ZSWIM7: variants seen among roughly 807,000 people sequenced by gnomAD.
The protein encoded by ZSWIM7 is zinc finger SWIM domain-containing protein 7.
A neutral mutation model predicts 21.1 loss-of-function variants in ZSWIM7; 22 were observed. That is an observed-to-expected ratio of 1.04 (90% CI 0.74 to 1.49). The LOEUF (loss-of-function observed/expected upper bound fraction) is 1.49. Among genes scored for constraint, ZSWIM7 ranks in the 40% most tolerant of loss-of-function variants. The pLI is 0.00. For synonymous variants in ZSWIM7, 67 were observed against 66.5 expected (o/e 1.01, Z -0.04); for missense variants, 193 against 168.0 (o/e 1.15, Z -0.82).
intron 3 of ZSWIM7, chr17:15,987,011 CTTGA>C (rs147958085): frequency 0.04 from 11,637 of 291,984 alleles, 258 homozygotes; most frequent in African/African-American, 0.057. Context: ...TGTTAATTAG[CTTGA>C]TTTAGTTATT....
At chr17:15,988,094 A>G (rs1970437818) in intron 2 of ZSWIM7, among the ~76,000 whole-genome samples, 1 of 152,196 alleles carries the variant, frequency 6.6e-6, no homozygotes, top group Non-Finnish European at 1.5e-5. Flanking sequence ...GTATGCACAC[A>G]TACATAACAA....
In ZSWIM7 at chr17:15,978,005, A is replaced by G. The variant is rs1211151030; in HGVS notation, c.*42T>C. 6.7e-7 allele frequency: 1 copy of G among 1,485,888 alleles called. No homozygotes were observed. Among genetic ancestry groups the G allele is most frequent in the African/African-American group, 1.4e-5 (1 of 72,362 alleles). 92.0% of individuals were successfully genotyped at this position (1,485,888 alleles called of 1,614,324 possible). The stretch of plus-strand genomic sequence containing the variant: ...CATGACGCTTTCAATGCATTTCTTG[A>G]CAGGATTCTATTTTGAAAGAATGAT... On this transcript the variant is annotated 3_prime_UTR_variant, in exon 5 of 5. Coordinates refer to ENST00000399277, the MANE Select transcript of ZSWIM7 (RefSeq NM_001042697.2).
chr17:15,994,042 G>A (rs897847635), intron 1 of ZSWIM7, among the ~76,000 whole-genome samples: 2 of 152,108 alleles, frequency 1.3e-5, no homozygotes, highest in Non-Finnish European at 1.5e-5. Flanking sequence ...TCCGCCTCCC[G>A]GGTTTAAACC....
intron 3 of ZSWIM7, among the ~76,000 whole-genome samples, chr17:15,982,828 T>C (rs1970370702): frequency 6.6e-6 from 1 of 152,034 alleles, no homozygotes. Flanking sequence ...TTTTAAAATT[T>C]TTTTTGTAGA....
chr17:15,992,052 G>C (rs1179240357), intron 2 of ZSWIM7, among the ~76,000 whole-genome samples: 1 of 151,488 alleles, frequency 6.6e-6, no homozygotes, highest in Non-Finnish European at 1.5e-5. Context: ...TCAGCCCCCC[G>C]AATAGCTGGG....
At chr17:15,993,919 C>G in intron 1 of ZSWIM7, 141 bp from the exon 2 acceptor site, 1 of 580,384 alleles carries the variant, frequency 1.7e-6, no homozygotes, top group Non-Finnish European at 3.1e-6. Flanking sequence ...TACTCCTTCC[C>G]CAAACCCCAC....
chr17:15,999,451 C>T (rs1198565926), intron 1 of ZSWIM7, 68 bp downstream of exon 1: 3 of 1,566,052 alleles, frequency 1.9e-6, no homozygotes, highest in Middle Eastern at 2.1e-4. Context: ...TCCTGCCTCC[C>T]GGCCCGGCGG....
At position 15,999,682 on chromosome 17, in the gene ZSWIM7, G is replaced by C. The variant is rs1224658569; in HGVS notation, c.-88C>G. On this transcript the variant is annotated 5_prime_UTR_variant, in exon 1 of 5. Coordinates refer to ENST00000399277, the MANE Select transcript of ZSWIM7 (RefSeq NM_001042697.2). The stretch of plus-strand genomic sequence containing the variant: ...TACCTGTGGAGGATCCTGACCCCCC[G>C]CCGGGGCAGGGCGAGACGGAGTGAC... 2 of 1,557,458 alleles carry C rather than the reference G, an allele frequency of 1.3e-6. No individual in the cohort carries two copies. The highest frequency in any genetic ancestry group is 1.4e-5 in the African/African-American group (1 of 73,434).
chr17:15,995,246 G>A (rs1445857046), intron 1 of ZSWIM7, among the ~76,000 whole-genome samples: 2 of 151,544 alleles, frequency 1.3e-5, no homozygotes, highest in African/African-American at 4.8e-5. Flanking sequence ...GCCAGCCTGG[G>A]CAACACAGTA....
chr17:15,994,864 CA>C (rs1187496548), intron 1 of ZSWIM7, among the ~76,000 whole-genome samples: 6 of 152,156 alleles, frequency 3.9e-5, no homozygotes, highest in African/African-American at 1.4e-4. Context: ...TAGTGACGTT[CA>C]TATTCCGTAA....
intron 3 of ZSWIM7, among the ~76,000 whole-genome samples, chr17:15,984,323 A>G (rs1451213587): frequency 1.3e-5 from 2 of 152,366 alleles, no homozygotes; most frequent in South Asian, 2.1e-4. Flanking sequence ...ACATAATTCA[A>G]TTCCTTCACC....
chr17:15,989,916 A>G (rs935897340), intron 2 of ZSWIM7, among the ~76,000 whole-genome samples: 9 of 152,014 alleles, frequency 5.9e-5, no homozygotes, highest in African/African-American at 2.2e-4. Context: ...CCAAAATTTA[A>G]TTTTTTGAAA....
Position 15,987,257 on chromosome 17 carries a change from G to A in ZSWIM7, c.201+9C>T. On this transcript the variant is annotated intron_variant, in intron 3 of 4. Transcript: ENST00000399277. The stretch of plus-strand genomic sequence containing the variant: ...TCTGTAGGGATCACCCCCATCTCTA[G>A]ACTTCTACCTGGTAAACACGCCTTC... 6.2e-7 allele frequency: 1 copy of A among 1,608,372 alleles called. No individual in the cohort carries two copies.
At chr17:15,992,451 T>G (rs1488810811) in intron 2 of ZSWIM7, among the ~76,000 whole-genome samples, 2 of 151,502 alleles carry the variant, frequency 1.3e-5, no homozygotes, top group East Asian at 3.9e-4. Flanking sequence ...TTTTTTTTTT[T>G]TTTTTGAGAT....
intron 3 of ZSWIM7, among the ~76,000 whole-genome samples, chr17:15,985,291 G>A (rs550905381): frequency 2.8e-5 from 4 of 141,918 alleles, no homozygotes; most frequent in East Asian, 3.9e-4. Context: ...GCAACAGAGC[G>A]AGACTCTGCC....
chr17:15,995,575 T>TAAAAA (rs550832963), intron 1 of ZSWIM7, among the ~76,000 whole-genome samples: 1 of 100,242 alleles, frequency 1.0e-5, no homozygotes, highest in Non-Finnish European at 2.0e-5. Flanking sequence ...CCCTGTCTCT[T>TAAAAA]AAAAAAAAAA....
At position 15,978,122 on chromosome 17, in the gene ZSWIM7, C is replaced by A; in HGVS notation, c.348G>T (p.Arg116Ser). Residue 116 changes from arginine (R) to serine (S), a missense_variant, in exon 5 of 5, where the codon AGG (arginine) becomes AGT (serine). By Grantham distance (110) the Arg-to-Ser change is moderately radical (BLOSUM62 -1). Transcript: ENST00000399277. ...LLAVYLSQVM[R>S]TCQQLSVSDK... ...CAGAGACACTTAGCTGCTGACAGGT[C>A]CTCATAACCTGACTCAGGTAAACTG... The A allele has an allele frequency of 6.2e-7, 1 of 1,614,126 alleles. No individual in the cohort carries two copies. Among genetic ancestry groups the A allele is most frequent in the South Asian group, 1.1e-5 (1 of 91,076 alleles).
chr17:15,986,036 T>G (rs7225284), intron 3 of ZSWIM7, among the ~76,000 whole-genome samples: 7,802 of 149,646 alleles, frequency 0.052, 482 homozygotes, highest in African/African-American at 0.15. Flanking sequence ...AAGTTTTTTT[T>G]TGTGTTTTTG....
chr17:15,992,630 GGT>G (rs1970500753), intron 2 of ZSWIM7, among the ~76,000 whole-genome samples: 1 of 151,856 alleles, frequency 6.6e-6, no homozygotes, highest in African/African-American at 2.4e-5. Flanking sequence ...ATAGTGACAG[GGT>G]TTCTCCATGT....
Sources: allele counts gnomAD v4.1 joint callset (sites outside exome capture counted in the v4.1 genomes callset), GRCh38; gene constraint gnomAD v4.1.1; transcripts MANE v1.5; gene names NCBI Gene and HGNC (gene_info 2026-07-23, HGNC 2026-07-21).